Variants in RPRD1A observed in about 807,000 individuals in gnomAD.
The protein encoded by RPRD1A is regulation of nuclear pre-mRNA domain containing 1A, also known as regulation of nuclear pre-mRNA domain-containing protein 1A.
In RPRD1A, 9 loss-of-function variants were observed where a neutral mutation model predicts 37.8. That is an observed-to-expected ratio of 0.24 (90% CI 0.14 to 0.42). The LOEUF (loss-of-function observed/expected upper bound fraction) is 0.42, where lower values mean the gene tolerates loss of function less well. Among genes scored for constraint, RPRD1A ranks in the 10% least tolerant of loss-of-function variants. The pLI, the probability that RPRD1A is intolerant of heterozygous loss-of-function variation, is 1.00. For missense variants in RPRD1A, 255 were observed against 371.0 expected, an observed-to-expected ratio of 0.69 and a Z score of 2.57; for synonymous variants, 138 against 139.7, an observed-to-expected ratio of 0.99 and a Z score of 0.08.
At chr18:36,016,236 T>A (rs975004600) in intron 6 of RPRD1A, among the ~76,000 whole-genome samples, 3 of 152,210 alleles carry the variant, frequency 2.0e-5, no homozygotes, top group African/African-American at 4.8e-5. Context: ...TTTTTCTTTT[T>A]TTTGAGGCAG....
chr18:35,991,958 T>G lies in RPRD1A; in HGVS notation c.*1193A>C, dbSNP rs544815017. 6.5e-6 allele frequency: 1 copy of G among 152,742 alleles called. No individual in the cohort carries two copies. The highest frequency in any genetic ancestry group is 1.9e-4 in the East Asian group (1 of 5,188). The allele number at this position is 152,742 out of a possible 1,614,324, so 9.5% of individuals were successfully genotyped here. On this transcript the variant is annotated 3_prime_UTR_variant, in exon 7 of 7. Coordinates refer to ENST00000399022, the MANE Select transcript of RPRD1A (RefSeq NM_018170.5). ...AATGAATGAAAATAAATGTTTATCC[T>G]AAGTCATTATTGAGTACAAATCCAC...
chr18:36,023,016 C>T (rs1911112859), intron 6 of RPRD1A, among the ~76,000 whole-genome samples: 1 of 152,158 alleles, frequency 6.6e-6, no homozygotes, highest in South Asian at 2.1e-4. Flanking sequence ...CCCAAGAGCT[C>T]TGATGAAGAT....
chr18:36,037,547 C>A (rs1474174624), intron 1 of RPRD1A, among the ~76,000 whole-genome samples: 8 of 152,168 alleles, frequency 5.3e-5, no homozygotes, highest in African/African-American at 1.7e-4. Flanking sequence ...TGAGAACAGA[C>A]TAATACAGTA....
intron 1 of RPRD1A, among the ~76,000 whole-genome samples, chr18:36,057,524 A>C (rs1913877484): frequency 6.6e-6 from 1 of 152,330 alleles, no homozygotes; most frequent in South Asian, 2.1e-4. Context: ...AAGTGGGAGG[A>C]TCGCTTAAGC....
chr18:36,027,417 C>T, intron 4 of RPRD1A, 107 bp from the exon 5 acceptor site: 1 of 1,195,854 alleles, frequency 8.4e-7, no homozygotes, highest in Non-Finnish European at 1.2e-6. Flanking sequence ...TAGTACAAAG[C>T]TCCTAATATA....
At chr18:36,034,749 A>G (rs765138739) in intron 1 of RPRD1A, among the ~76,000 whole-genome samples, 20 of 152,228 alleles carry the variant, frequency 1.3e-4, no homozygotes, top group Admixed American at 1.3e-4. Flanking sequence ...GATGTGGGCT[A>G]TCTTATTGGA....
chr18:35,997,042 C>T (rs1476210699), intron 6 of RPRD1A, among the ~76,000 whole-genome samples: 1 of 149,520 alleles, frequency 6.7e-6, no homozygotes, highest in Non-Finnish European at 1.5e-5. Context: ...AATATATGGC[C>T]ACTACAGCAA....
intron 6 of RPRD1A, among the ~76,000 whole-genome samples, chr18:36,023,529 T>C (rs1188776144): frequency 6.6e-6 from 1 of 152,234 alleles, no homozygotes; most frequent in African/African-American, 2.4e-5. Context: ...AAGGATTTAC[T>C]TGATAAAGCA....
intron 1 of RPRD1A, chr18:36,040,985 G>C (rs957190121): frequency 1.8e-6 from 1 of 569,274 alleles, no homozygotes. Flanking sequence ...TGGAAAAAAA[G>C]AATTCCCCAT....
chr18:36,033,225 C>T (rs1363895007), intron 2 of RPRD1A, among the ~76,000 whole-genome samples: 1 of 148,688 alleles, frequency 6.7e-6, no homozygotes, highest in Admixed American at 6.7e-5. Flanking sequence ...TCGCTTGAAC[C>T]CAAGCGGCAG....
chr18:36,047,658 A>C (rs1287700243), intron 1 of RPRD1A, among the ~76,000 whole-genome samples: 1 of 152,152 alleles, frequency 6.6e-6, no homozygotes, highest in African/African-American at 2.4e-5. Flanking sequence ...TACAGACCCT[A>C]CAGGCATCCA....
At chr18:36,057,313 A>G (rs906080280) in intron 1 of RPRD1A, among the ~76,000 whole-genome samples, 1 of 151,766 alleles carries the variant, frequency 6.6e-6, no homozygotes, top group Non-Finnish European at 1.5e-5. Flanking sequence ...ATAAAACACT[A>G]AACGTTTATC....
intron 1 of RPRD1A, among the ~76,000 whole-genome samples, chr18:36,048,374 A>C (rs1913115986): frequency 6.6e-6 from 1 of 151,994 alleles, no homozygotes; most frequent in Non-Finnish European, 1.5e-5. Context: ...CCAAATGTAA[A>C]CATTCTTAAC....
chr18:36,031,177 TTAAATA>T (rs1477398835), intron 2 of RPRD1A, 80 bp from the exon 3 acceptor site: 3 of 1,403,162 alleles, frequency 2.1e-6, no homozygotes, highest in Non-Finnish European at 2.8e-6. Flanking sequence ...AACGGTAACT[TTAAATA>T]TAATCAGACA....
chr18:36,054,075 ACT>A (rs1346536114), intron 1 of RPRD1A, among the ~76,000 whole-genome samples: 1 of 152,236 alleles, frequency 6.6e-6, no homozygotes, highest in Non-Finnish European at 1.5e-5. Context: ...ATTCAGTGAC[ACT>A]GAGACTGGGG....
At chr18:36,036,029 C>T (rs942911725) in intron 1 of RPRD1A, among the ~76,000 whole-genome samples, 4 of 152,094 alleles carry the variant, frequency 2.6e-5, no homozygotes, top group Admixed American at 1.3e-4. Flanking sequence ...GTACTTAACA[C>T]TACTGGACTG....
chr18:35,995,269 T>G (rs1015911987), intron 6 of RPRD1A, among the ~76,000 whole-genome samples: 3 of 148,844 alleles, frequency 2.0e-5, no homozygotes, highest in Non-Finnish European at 3.0e-5. Flanking sequence ...TCGTTTTTTT[T>G]TTTTTTTTTT....
intron 1 of RPRD1A, among the ~76,000 whole-genome samples, chr18:36,063,545 C>T: frequency 6.6e-6 from 1 of 152,204 alleles, no homozygotes; most frequent in East Asian, 1.9e-4. Context: ...TAAAGAATGC[C>T]TAGCTTAACA....
In RPRD1A at chr18:36,062,610, A is replaced by C. The variant is rs941259567; in HGVS notation, c.151+4644T>G. Among the ~76,000 whole-genome samples the C allele has an allele frequency of 2.0e-5, 3 of 152,196 alleles. No individual in the cohort carries two copies. The South Asian group carries it at 6.2e-4, about 32-fold the overall frequency. On this transcript the variant is annotated intron_variant, in intron 1 of 6. Coordinates refer to ENST00000399022, the MANE Select transcript of RPRD1A (RefSeq NM_018170.5). ...CCATAGAAAAGACTGAAGGACAGTA[A>C]GTGGTCTTTTGCAACTGGCTTCTTT...
Sources: gnomAD v4.1 joint callset for allele counts (sites outside exome capture counted in the v4.1 genomes callset) on GRCh38, gnomAD v4.1.1 for gene constraint, MANE v1.5 for transcripts, NCBI Gene and HGNC (gene_info 2026-07-23, HGNC 2026-07-21) for gene names.